TTC23L: variants seen among roughly 807,000 people sequenced by gnomAD.
TTC23L encodes the protein tetratricopeptide repeat domain 23 like.
In TTC23L, 42 loss-of-function variants were observed where a neutral mutation model predicts 48.1. The ratio of observed to expected loss-of-function variants is 0.87; its 90% CI spans 0.68 to 1.13. The LOEUF is 1.13. Ranked by LOEUF, TTC23L falls within the 50% of genes most tolerant of loss-of-function variation. The pLI, the probability that TTC23L is intolerant of heterozygous loss-of-function variation, is 0.00. For synonymous variants in TTC23L, 159 were observed against 157.2 expected (o/e 1.01, Z -0.09); for missense variants, 391 against 421.0 (o/e 0.93, Z 0.62).
chr5:34,864,628 G>C, intron 6 of TTC23L, 66 bp downstream of exon 6: 1 of 1,490,474 alleles, frequency 6.7e-7, no homozygotes, highest in Non-Finnish European at 8.9e-7. Context: ...TGATATAAGG[G>C]AGAAAAATAT....
chr5:34,868,694 C>A, intron 7 of TTC23L: 1 of 486,154 alleles, frequency 2.1e-6, no homozygotes, highest in Non-Finnish European at 3.8e-6. Context: ...GAGCACCGTG[C>A]CCTGTGCTTT....
At chr5:34,878,012 C>T (rs1286728033) in intron 8 of TTC23L, among the ~76,000 whole-genome samples, 1 of 152,034 alleles carries the variant, frequency 6.6e-6, no homozygotes, top group Non-Finnish European at 1.5e-5. Context: ...ATGCAGAAGT[C>T]AATACTTTCC....
intron 4 of TTC23L, among the ~76,000 whole-genome samples, chr5:34,859,610 C>T (rs564543300): frequency 2.0e-5 from 3 of 152,086 alleles, no homozygotes; most frequent in Admixed American, 6.5e-5. Context: ...TTTTCTCTTC[C>T]GTTTTTCATC....
intron 4 of TTC23L, among the ~76,000 whole-genome samples, chr5:34,855,732 C>T (rs1252757630): frequency 6.6e-6 from 1 of 152,124 alleles, no homozygotes; most frequent in Non-Finnish European, 1.5e-5. Flanking sequence ...GGAAAGATCT[C>T]TTTAGGGAAA....
the TTC23L span, chr5:34,911,579 T>C: frequency 6.2e-7 from 1 of 1,614,162 alleles, no homozygotes; most frequent in Non-Finnish European, 8.5e-7. Context: ...TCAGGAGACA[T>C]GGTAATTTGT....
chr5:34,920,224 A>G, the TTC23L span: 22,054 of 157,104 alleles, frequency 0.14, 1,749 homozygotes, highest in South Asian at 0.23. Context: ...TCCATTAAAC[A>G]TATATATATA....
rs115795531 is a variant in TTC23L at position 34,888,630 on chromosome 5, T to C, written c.1078-8140T>C. The C allele has an allele frequency of 3.6e-4, 211 of 578,792 alleles. No homozygotes were observed. The African/African-American group carries it at 4.1e-3, about 11-fold the overall frequency. 35.9% of individuals were successfully genotyped at this position (578,792 alleles called of 1,614,324 possible). A position where few individuals can be genotyped will look rare whatever the true frequency, so the allele number is the denominator to read the frequency against. Reference sequence around the variant, plus strand: ...GTTCAACCAGGTAGGGGTGATTCACTTCTATCAGTCTTGCTAGTAAGGCAA... The same window carrying C: ...GTTCAACCAGGTAGGGGTGATTCACCTCTATCAGTCTTGCTAGTAAGGCAA... On this transcript the variant is annotated intron_variant, in intron 9 of 10. Transcript: ENST00000505624.
chr5:34,839,926 G>A (rs1758462979), intron 1 of TTC23L, among the ~76,000 whole-genome samples: 1 of 152,118 alleles, frequency 6.6e-6, no homozygotes, highest in Non-Finnish European at 1.5e-5. Flanking sequence ...ATTTTATTTT[G>A]AGACGGAGTC....
the TTC23L span, chr5:34,915,604 G>A: frequency 4.2e-6 from 5 of 1,176,632 alleles, no homozygotes; most frequent in Non-Finnish European, 5.8e-6. Flanking sequence ...GCGCCACCGA[G>A]ACCGGAAGGA....
At chr5:34,864,995 C>A (rs1760950580) in intron 6 of TTC23L, among the ~76,000 whole-genome samples, 1 of 152,184 alleles carries the variant, frequency 6.6e-6, no homozygotes, top group Non-Finnish European at 1.5e-5. Context: ...TTAATGAAGA[C>A]AATTAACTGG....
chr5:34,839,584 G>A, intron 1 of TTC23L: 1 of 975,242 alleles, frequency 1.0e-6, no homozygotes, highest in Middle Eastern at 5.3e-4. Flanking sequence ...AGTGTTTAAA[G>A]TGGAGGTTAA....
At chr5:34,924,829 G>C in the TTC23L span, 6 of 1,571,218 alleles carry the variant, frequency 3.8e-6, no homozygotes, top group Non-Finnish European at 5.2e-6. Context: ...AAAATGAAAT[G>C]TTTCCTTTTT....
chr5:34,908,131 G>T, the TTC23L span: 29 of 148,576 alleles, frequency 2.0e-4, no homozygotes, highest in African/African-American at 6.7e-4. Context: ...ATAAATAAAA[G>T]ATCATTTCAG....
chr5:34,923,828 C>T, the TTC23L span, among the ~76,000 whole-genome samples: 68 of 152,318 alleles, frequency 4.5e-4, 1 homozygote, highest in Non-Finnish European at 7.4e-5. Flanking sequence ...TAACTATGTA[C>T]TGTCTTATAT....
Position 34,863,153 on chromosome 5 carries a change from C to T in TTC23L, c.536+99C>T. 1.4e-6 allele frequency: 2 copies of T among 1,474,050 alleles called. No homozygotes were observed. Among genetic ancestry groups the T allele is most frequent in the East Asian group, 2.3e-5 (1 of 43,980 alleles). 91.3% of individuals were successfully genotyped at this position (1,474,050 alleles called of 1,614,324 possible). On this transcript the variant is annotated intron_variant, in intron 5 of 10. Coordinates refer to ENST00000505624, the Ensembl canonical transcript of TTC23L. The surrounding 1 kb of genome is among the most constrained non-coding windows in gnomAD (Gnocchi z 4.1). ...AGGAGGGTGGGAGATGGAACCAAGG[C>T]CTTGTAGATCTGTTCCAACATCAAG...
intron 9 of TTC23L, chr5:34,880,552 G>A (rs978538105): frequency 2.1e-6 from 1 of 476,420 alleles, no homozygotes; most frequent in Non-Finnish European, 3.8e-6. Context: ...AAACTGCAGA[G>A]TAGGCTCAAA....
intron 8 of TTC23L, among the ~76,000 whole-genome samples, chr5:34,873,011 C>T (rs1214381000): frequency 2.6e-5 from 4 of 151,294 alleles, no homozygotes; most frequent in African/African-American, 7.3e-5. Context: ...TGCAATGAGC[C>T]GAGATCGCGC....
chr5:34,894,050 C>T (rs1037845043), intron 9 of TTC23L, among the ~76,000 whole-genome samples: 1 of 152,086 alleles, frequency 6.6e-6, no homozygotes, highest in African/African-American at 2.4e-5. Context: ...CTTCTCAATA[C>T]TCTATTTATA....
chr5:34,890,999 T>C (rs2111796030), intron 9 of TTC23L, among the ~76,000 whole-genome samples: 1 of 152,304 alleles, frequency 6.6e-6, no homozygotes. Flanking sequence ...AGTAAAATAT[T>C]AGTACTTTCC....
Sources: gnomAD v4.1 joint callset for allele counts (sites outside exome capture counted in the v4.1 genomes callset) on GRCh38, gnomAD v4.1.1 for gene constraint, Gnocchi (gnomAD v3.1) non-coding constraint, MANE v1.5 for transcripts, NCBI Gene and HGNC (gene_info 2026-07-23, HGNC 2026-07-21) for gene names.